Variants in DOK6 observed in about 807,000 individuals in gnomAD.
DOK6 encodes the protein docking protein 6, also known as downstream of tyrosine kinase 6.
A neutral mutation model predicts 44.0 loss-of-function variants in DOK6; 22 were observed. That is an observed-to-expected ratio of 0.50 (90% confidence interval 0.36 to 0.71). DOK6 has a LOEUF of 0.71. DOK6 is among the 30% of genes least tolerant of loss of function. DOK6 has a pLI of 0.00. For synonymous variants in DOK6, 166 were observed against 145.5 expected, an observed-to-expected ratio of 1.14 and a Z score of -1.01; for missense variants, 340 against 416.4, an observed-to-expected ratio of 0.82 and a Z score of 1.60.
intron 6 of DOK6, among the ~76,000 whole-genome samples, chr18:69,748,067 GA>G (rs1299199804): frequency 6.6e-6 from 1 of 151,910 alleles, no homozygotes; most frequent in Non-Finnish European, 1.5e-5. Context: ...CAAGCAAATT[GA>G]AAACAAAAAA....
chr18:69,650,568 G>A lies in DOK6; in HGVS notation c.290-27166G>A, dbSNP rs575679001. Among the ~76,000 whole-genome samples the A allele has an allele frequency of 7.2e-5, 11 of 152,218 alleles. No individual in the cohort carries two copies. The South Asian group carries it at 2.1e-3, about 29-fold the overall frequency. ...ATTATGTTAATTTTCCAACTTTTCG[G>A]AGCTATTTTGGTTAACATGGATTAA... On this transcript the variant is annotated intron_variant, in intron 3 of 7. Coordinates refer to ENST00000382713, the MANE Select transcript of DOK6 (RefSeq NM_152721.6).
intron 7 of DOK6, among the ~76,000 whole-genome samples, chr18:69,794,661 G>T (rs916299397): frequency 1.3e-5 from 2 of 152,110 alleles, no homozygotes; most frequent in Non-Finnish European, 2.9e-5. Flanking sequence ...ACCAATACTG[G>T]TTTATGGCCT....
At position 69,627,203 on chromosome 18, in the gene DOK6, AAAAC is replaced by A. The variant is rs565392948; in HGVS notation, c.289+27721_289+27724del. On this transcript the variant is annotated intron_variant, in intron 3 of 7. Coordinates refer to ENST00000382713, the MANE Select transcript of DOK6 (RefSeq NM_152721.6). ...CAGTGCCAAGAAGCAAAAGAAAACAAAAACAAACAAACAAACAAAAAAGACTCAG... is the reference window on the plus strand; with the variant it reads ...CAGTGCCAAGAAGCAAAAGAAAACAAAAACAAACAAACAAAAAAGACTCAG... 3.3e-5 allele frequency among the ~76,000 whole-genome samples: 5 copies of A among 152,262 alleles called. No homozygotes were observed. In the South Asian group the frequency reaches 6.2e-4, roughly 19 times the overall value.
chr18:69,554,906 C>A lies in DOK6; in HGVS notation c.67-9581C>A, dbSNP rs149018450. On this transcript the variant is annotated intron_variant, in intron 1 of 7. Coordinates refer to ENST00000382713, the MANE Select transcript of DOK6 (RefSeq NM_152721.6). ...AATGTAGTTGAGCATTTTGTATAAG[C>A]CTATTGGCCATTTATACAGCTCCTT... Among the ~76,000 whole-genome samples the A allele has an allele frequency of 2.7e-3, 409 of 152,202 alleles. 2 individuals are homozygous for A. Among genetic ancestry groups the A allele is most frequent in the Middle Eastern group, 3.4e-3 (1 of 294 alleles).
At chr18:69,677,432 A>G (rs1430456550) in intron 3 of DOK6, among the ~76,000 whole-genome samples, 1 of 151,588 alleles carries the variant, frequency 6.6e-6, no homozygotes, top group Non-Finnish European at 1.5e-5. Flanking sequence ...TTTTAAGTAA[A>G]TTTTCCTCCC....
Position 69,547,733 on chromosome 18 carries a change from A to T in DOK6, c.67-16754A>T, listed in dbSNP as rs186050366. 5.5e-3 allele frequency among the ~76,000 whole-genome samples: 836 copies of T among 151,022 alleles called. 15 individuals are homozygous for T. Among genetic ancestry groups the T allele is most frequent in the African/African-American group, 0.019 (787 of 41,388 alleles). On this transcript the variant is annotated intron_variant, in intron 1 of 7. Coordinates refer to ENST00000382713, the MANE Select transcript of DOK6 (RefSeq NM_152721.6). ...CCATACACCCTTCTTAGCCTCTGGTAACCATCATTCTACTCTCTCTCCATG... is the reference window on the plus strand; with the variant it reads ...CCATACACCCTTCTTAGCCTCTGGTTACCATCATTCTACTCTCTCTCCATG...
rs959147188 is a variant in DOK6, at chr18:69,698,711, G to C, written c.599+118G>C. On this transcript the variant is annotated intron_variant, in intron 5 of 7. Coordinates refer to ENST00000382713, the MANE Select transcript of DOK6 (RefSeq NM_152721.6). ...CCCCAGTGAGCACTGTTTTCATTCA[G>C]GGTAAAAGTTACCAAATACATAATT... The C allele has an allele frequency of 4.4e-5, 41 of 921,424 alleles. 1 individual carries two copies. The African/African-American group carries it at 4.8e-4, about 11-fold the overall frequency. The allele number at this position is 921,424 out of a possible 1,614,324, so 57.1% of individuals were successfully genotyped here.
intron 4 of DOK6, among the ~76,000 whole-genome samples, chr18:69,687,145 G>T (rs997134026): frequency 6.6e-6 from 1 of 152,084 alleles, no homozygotes. Flanking sequence ...TATCTTTCAT[G>T]AATCTAAGCC....
intron 1 of DOK6, among the ~76,000 whole-genome samples, chr18:69,435,095 G>A (rs355980): frequency 0.075 from 11,112 of 148,210 alleles, 503 homozygotes; most frequent in African/African-American, 0.13. Flanking sequence ...AGGAAGGAAA[G>A]AAGGAAGAAA....
intron 2 of DOK6, among the ~76,000 whole-genome samples, chr18:69,565,995 G>T (rs1982967848): frequency 6.6e-6 from 1 of 152,202 alleles, no homozygotes; most frequent in Admixed American, 6.5e-5. Context: ...TATTTAGTTT[G>T]TAAGTAAAAT....
At chr18:69,780,164 T>C (rs1032308089) in intron 7 of DOK6, among the ~76,000 whole-genome samples, 6 of 152,146 alleles carry the variant, frequency 3.9e-5, no homozygotes, top group African/African-American at 1.2e-4. Flanking sequence ...TAATTTCGGA[T>C]TTTTCTTCGT....
Position 69,670,760 on chromosome 18 carries a change from G to A in DOK6, c.290-6974G>A, listed in dbSNP as rs184993074. 2.3e-3 allele frequency among the ~76,000 whole-genome samples: 344 copies of A among 151,752 alleles called. 1 individual carries two copies. Among genetic ancestry groups the A allele is most frequent in the Admixed American group, 7.8e-3 (118 of 15,224 alleles). On this transcript the variant is annotated intron_variant, in intron 3 of 7. Coordinates refer to ENST00000382713, the MANE Select transcript of DOK6 (RefSeq NM_152721.6). ...CTTGACCTCGTGATCCTCCCACCCC[G>A]GCCTCCCAAAGTGCTGTGATTGTGG... is the stretch of plus-strand genomic sequence containing the variant.
chr18:69,835,372 G>A (rs1982018413), intron 7 of DOK6, among the ~76,000 whole-genome samples: 1 of 152,104 alleles, frequency 6.6e-6, no homozygotes, highest in Non-Finnish European at 1.5e-5. Flanking sequence ...GGCTGAGGCA[G>A]GAGAATGGCG....
At chr18:69,472,053 T>A (rs9964498) in intron 1 of DOK6, among the ~76,000 whole-genome samples, 75,988 of 152,008 alleles carry the variant, frequency 0.5, 19,796 homozygotes, top group East Asian at 0.86. Context: ...GCATTATCTC[T>A]TATGATTTTC....
chr18:69,605,090 G>GTGTGTGTGTGTGTGTGTGTGTT (rs1188544039), intron 3 of DOK6, among the ~76,000 whole-genome samples: 2 of 132,836 alleles, frequency 1.5e-5, no homozygotes, highest in Non-Finnish European at 3.4e-5. Context: ...GTGTGTGTGT[G>GTGTGTGTGTGTGTGTGTGTGTT]TGTGTGTGTG....
At chr18:69,425,132 C>T (rs926715178) in intron 1 of DOK6, among the ~76,000 whole-genome samples, 2 of 152,184 alleles carry the variant, frequency 1.3e-5, no homozygotes, top group East Asian at 1.9e-4. Context: ...AAGGAAGGGT[C>T]GGCGTGAGCA....
chr18:69,636,713 A>G (rs1984818346), intron 3 of DOK6, among the ~76,000 whole-genome samples: 1 of 152,178 alleles, frequency 6.6e-6, no homozygotes, highest in Non-Finnish European at 1.5e-5. Flanking sequence ...CAGTTACTGT[A>G]TCACTCCTTG....
chr18:69,723,789 A>G (rs972153442), intron 5 of DOK6, among the ~76,000 whole-genome samples: 1 of 152,162 alleles, frequency 6.6e-6, no homozygotes, highest in South Asian at 2.1e-4. Context: ...AAAGGCAAGC[A>G]GTTTTAGAGA....
At chr18:69,672,436 G>A (rs1170776523) in intron 3 of DOK6, among the ~76,000 whole-genome samples, 1 of 152,214 alleles carries the variant, frequency 6.6e-6, no homozygotes, top group Non-Finnish European at 1.5e-5. Context: ...TCAGCTCACC[G>A]CAAGCTCCGC....
Sources: gnomAD v4.1 joint callset for allele counts (sites outside exome capture counted in the v4.1 genomes callset) on GRCh38, gnomAD v4.1.1 for gene constraint, MANE v1.5 for transcripts, NCBI Gene and HGNC (gene_info 2026-07-23, HGNC 2026-07-21) for gene names.